Variants in WNK1 observed in about 807,000 individuals in gnomAD.
WNK1 encodes the protein serine/threonine-protein kinase WNK1.
In WNK1, 38 loss-of-function variants were observed where a neutral mutation model predicts 222.8. That is an observed-to-expected ratio of 0.17 (90% CI 0.13 to 0.22). The LOEUF (loss-of-function observed/expected upper bound fraction) is 0.22, where lower values mean the gene tolerates loss of function less well. Ranked by LOEUF, WNK1 falls within the 10% of genes least tolerant of loss-of-function variation. The probability of loss-of-function intolerance (pLI) is 1.00; values close to 1 mark genes in which losing one functional copy is unlikely to be tolerated. For synonymous variants in WNK1, 1,090 were observed against 1,092.9 expected (o/e 1.00, Z 0.05); for missense variants, 2,348 against 2,918.4 (o/e 0.80, Z 4.50).
intron 2 of WNK1, among the ~76,000 whole-genome samples, chr12:822,740 A>T (rs2369491): frequency 1.3e-5 from 2 of 152,006 alleles, no homozygotes; most frequent in South Asian, 4.1e-4. Flanking sequence ...GTTTTATAAT[A>T]ATTATTTTAC....
chr12:790,244 T>A (rs1314666224), intron 1 of WNK1, among the ~76,000 whole-genome samples: 1 of 152,208 alleles, frequency 6.6e-6, no homozygotes, highest in Non-Finnish European at 1.5e-5. Flanking sequence ...TTTCTTTTTA[T>A]CTTTTCATGT....
intron 1 of WNK1, among the ~76,000 whole-genome samples, chr12:807,971 G>A (rs112743333): frequency 0.023 from 3,562 of 151,870 alleles, 144 homozygotes; most frequent in African/African-American, 0.082. Flanking sequence ...CGCCCGCCTC[G>A]GCCTCCCAAA....
At chr12:762,479 T>C (rs1190247733) in intron 1 of WNK1, among the ~76,000 whole-genome samples, 1 of 147,858 alleles carries the variant, frequency 6.8e-6, no homozygotes, top group African/African-American at 2.4e-5. Flanking sequence ...GTTATTGTTT[T>C]TTCCCCCAAT....
chr12:866,845 C>T (rs1592089035), intron 8 of WNK1, among the ~76,000 whole-genome samples: 1 of 152,000 alleles, frequency 6.6e-6, no homozygotes, highest in Admixed American at 6.6e-5. Flanking sequence ...TGGTTACGGC[C>T]GGGCTCAGTG....
chr12:857,348 G>A (rs189409989), intron 5 of WNK1, 99 bp downstream of exon 5: 38 of 1,124,610 alleles, frequency 3.4e-5, no homozygotes, highest in Admixed American at 9.5e-5. Context: ...TAATATTTGT[G>A]ATTGGTTTCT....
intron 8 of WNK1, 50 bp downstream of exon 8, chr12:862,320 A>AG: frequency 6.3e-7 from 1 of 1,587,658 alleles, no homozygotes; most frequent in South Asian, 1.1e-5. Context: ...GCCAATGGAT[A>AG]GTCTGCTAAA....
intron 1 of WNK1, among the ~76,000 whole-genome samples, chr12:776,939 T>C (rs528259617): frequency 6.6e-6 from 1 of 152,340 alleles, no homozygotes; most frequent in Admixed American, 6.5e-5. Flanking sequence ...CAAAGACTTA[T>C]TCACACAGAG....
chr12:906,802 G>A (rs750572441), intron 26 of WNK1: 2 of 946,916 alleles, frequency 2.1e-6, no homozygotes, highest in Non-Finnish European at 2.5e-6. Context: ...CACTTTGGGA[G>A]GCTGACATGG....
chr12:830,547 T>C (rs565152895), intron 4 of WNK1, among the ~76,000 whole-genome samples: 58 of 152,346 alleles, frequency 3.8e-4, no homozygotes, highest in African/African-American at 1.0e-3. Context: ...CACTGACTTT[T>C]CTCTGAATGA....
At chr12:802,843 T>C (rs1946017361) in intron 1 of WNK1, among the ~76,000 whole-genome samples, 1 of 152,214 alleles carries the variant, frequency 6.6e-6, no homozygotes, top group Non-Finnish European at 1.5e-5. Context: ...CTGATTTTCT[T>C]TTTGTCAGAC....
At chr12:881,285 CTT>C (rs1248962640) in intron 12 of WNK1, among the ~76,000 whole-genome samples, 3 of 152,312 alleles carry the variant, frequency 2.0e-5, no homozygotes, top group Admixed American at 2.0e-4. Flanking sequence ...CTTTCACAAA[CTT>C]TTTCCATTGG....
chr12:854,094 G>T lies in WNK1; in HGVS notation c.1312-3067G>T, dbSNP rs115393708. ...ATCAAAATAATCAGAAGGGCCAATT[G>T]TGTTAGCTCATGCCAGTAATCCCAG... On this transcript the variant is annotated intron_variant, in intron 4 of 27. Transcript: ENST00000315939. 5.9e-3 allele frequency among the ~76,000 whole-genome samples: 896 copies of T among 151,966 alleles called. 12 individuals are homozygous for T. Among genetic ancestry groups the T allele is most frequent in the African/African-American group, 0.021 (858 of 41,512 alleles).
chr12:887,238 T>G lies in WNK1; in HGVS notation c.5298T>G (p.Thr1766=). ...GTCTGTAGGTGCTGCCAGTGGGTAC[T>G]GAACTTCCAGCAGGTACTCTACCCA... is the stretch of plus-strand genomic sequence containing the variant. ...LTKAPVLPVG[T]ELPAGTLPSE... is the part of the protein sequence containing the mutation. The change falls in exon 20 of 28, where the codon ACT becomes ACG. Residue 1766 remains threonine (T), a synonymous_variant. Coordinates refer to ENST00000315939, the MANE Select transcript of WNK1 (RefSeq NM_018979.4). 1 of 1,614,244 alleles carries G rather than the reference T, an allele frequency of 6.2e-7. No individual in the cohort carries two copies.
intron 4 of WNK1, among the ~76,000 whole-genome samples, chr12:856,590 T>A (rs1350973041): frequency 6.6e-6 from 1 of 152,220 alleles, no homozygotes; most frequent in Non-Finnish European, 1.5e-5. Flanking sequence ...AGAGCTTGTC[T>A]TTCGTATGGG....
chr12:753,552 C>A lies in WNK1; in HGVS notation c.-14C>A, dbSNP rs995160471. On this transcript the variant is annotated 5_prime_UTR_variant, in exon 1 of 28. Coordinates refer to ENST00000315939, the MANE Select transcript of WNK1 (RefSeq NM_018979.4). This position sits in a 1 kb window ranked among gnomAD's most constrained non-coding sequence, Gnocchi z 5.2. ...CGAATCCGAGCCCGCTCGCCTCTCT[C>A]CAGCGAACCGACCATGTCTGGCGGC... The A allele has an allele frequency of 1.2e-6, 2 of 1,612,090 alleles. No individual in the cohort carries two copies. Among genetic ancestry groups the A allele is most frequent in the Non-Finnish European group, 1.7e-6 (2 of 1,179,900 alleles).
chr12:780,178 A>G (rs1943554140), intron 1 of WNK1, among the ~76,000 whole-genome samples: 1 of 152,210 alleles, frequency 6.6e-6, no homozygotes, highest in African/African-American at 2.4e-5. Flanking sequence ...ATTCCGTTTT[A>G]ACTTCTGTCC....
chr12:761,993 A>C (rs1210287792), intron 1 of WNK1, among the ~76,000 whole-genome samples: 1 of 147,150 alleles, frequency 6.8e-6, no homozygotes, highest in African/African-American at 2.4e-5. Flanking sequence ...CAAGTCTCTT[A>C]AATAAAATGG....
At position 754,045 on chromosome 12, in the gene WNK1, C is replaced by T; in HGVS notation, c.480C>T (p.Thr160=). 6 of 1,596,558 alleles carry T rather than the reference C, an allele frequency of 3.8e-6. No individual in the cohort carries two copies. Among genetic ancestry groups the T allele is most frequent in the Non-Finnish European group, 5.1e-6 (6 of 1,171,922 alleles). Residue 160 remains threonine (T), a synonymous_variant, in exon 1 of 28, where the codon ACC becomes ACT. Transcript: ENST00000315939. ...CCCCCTCGACTGTCCCCAGCAGTACCAGCAAAGACCGCCCAGTGTCCCAGC... is the reference window on the plus strand; with the variant it reads ...CCCCCTCGACTGTCCCCAGCAGTACTAGCAAAGACCGCCCAGTGTCCCAGC... ...GPAPSTVPSS[T]SKDRPVSQPS... is the part of the protein sequence containing the mutation.
At position 800,601 on chromosome 12, in the gene WNK1, G is replaced by A. The variant is rs998170086; in HGVS notation, c.760-13041G>A. 7.7e-4 allele frequency among the ~76,000 whole-genome samples: 117 copies of A among 152,218 alleles called. 1 individual carries two copies. The highest frequency in any genetic ancestry group is 2.6e-3 in the African/African-American group (109 of 41,526). On this transcript the variant is annotated intron_variant, in intron 1 of 27. Coordinates refer to ENST00000315939, the MANE Select transcript of WNK1 (RefSeq NM_018979.4). ...ATCTTTGTGAGTTCTCAAGTGTGAT[G>A]ATCTGTGGGCCTGCTGATATTTAAG...
Sources: gnomAD v4.1 joint callset for allele counts (sites outside exome capture counted in the v4.1 genomes callset) on GRCh38, gnomAD v4.1.1 for gene constraint, Gnocchi (gnomAD v3.1) non-coding constraint, MANE v1.5 for transcripts, NCBI Gene and HGNC (gene_info 2026-07-23, HGNC 2026-07-21) for gene names.